MPPED1: variants seen among roughly 807,000 people sequenced by gnomAD.
MPPED1 encodes metallophosphoesterase domain-containing protein 1.
MPPED1 carries 16 observed loss-of-function variants against 36.2 expected under a neutral mutation model. The ratio of observed to expected loss-of-function variants is 0.44; its 90% CI spans 0.30 to 0.67. The LOEUF is 0.67. MPPED1 is among the 30% of genes least tolerant of loss of function. The pLI, the probability that MPPED1 is intolerant of heterozygous loss-of-function variation, is 0.10. For missense variants in MPPED1, 307 were observed against 453.4 expected (o/e 0.68, Z 2.93); for synonymous variants, 199 against 191.3 (o/e 1.04, Z -0.33).
At chr22:43,500,435 G>GAT (rs1932695854) in intron 5 of MPPED1, among the ~76,000 whole-genome samples, 1 of 149,298 alleles carries the variant, frequency 6.7e-6, no homozygotes, top group Admixed American at 7.3e-5. Context: ...TGGAGGTGGT[G>GAT]GTGGAGGTGG....
In MPPED1 at chr22:43,439,871, C is replaced by T. The variant is rs1445791484; in HGVS notation, c.406+4656C>T. Among the ~76,000 whole-genome samples, 4 of 152,382 alleles carry T rather than the reference C, an allele frequency of 2.6e-5. No individual in the cohort carries two copies. The East Asian group carries it at 7.7e-4, about 29-fold the overall frequency. ...TCCCCTCCCTGGTCCGGGGCCCACG[C>T]TCCACTCACCCCTCCAGAGCTGCCC... On this transcript the variant is annotated intron_variant, in intron 3 of 6. Coordinates refer to ENST00000443721, the MANE Select transcript of MPPED1 (RefSeq NM_001044370.2).
intron 4 of MPPED1, among the ~76,000 whole-genome samples, chr22:43,495,643 G>T (rs1203972628): frequency 2.2e-5 from 2 of 92,458 alleles, no homozygotes; most frequent in South Asian, 7.5e-4. Context: ...TGGTGGAGGT[G>T]ATGGTGGAGG....
intron 5 of MPPED1, among the ~76,000 whole-genome samples, chr22:43,500,128 A>C (rs1428609650): frequency 2.0e-5 from 1 of 49,220 alleles, no homozygotes; most frequent in Non-Finnish European, 4.4e-5. Flanking sequence ...GTGGTGATGG[A>C]GGTGGTAATG....
intron 4 of MPPED1, among the ~76,000 whole-genome samples, chr22:43,496,017 AGGTGGTG>A (rs1932323199): frequency 2.3e-5 from 1 of 42,604 alleles, no homozygotes; most frequent in Non-Finnish European, 4.8e-5. Context: ...GTGGTGGTGG[AGGTGGTG>A]ATGGTGGAGG....
At chr22:43,466,946 T>C (rs978527404) in intron 3 of MPPED1, among the ~76,000 whole-genome samples, 5 of 152,160 alleles carry the variant, frequency 3.3e-5, no homozygotes, top group African/African-American at 7.2e-5. Context: ...GAACTGTGAG[T>C]GTAAGCCTCC....
chr22:43,451,770 G>C (rs1930576220), intron 3 of MPPED1, among the ~76,000 whole-genome samples: 1 of 152,226 alleles, frequency 6.6e-6, no homozygotes, highest in Non-Finnish European at 1.5e-5. Context: ...TCCAGGCACT[G>C]CTCCTGTGGT....
chr22:43,454,861 C>T (rs1159417043), intron 3 of MPPED1, among the ~76,000 whole-genome samples: 1 of 152,038 alleles, frequency 6.6e-6, no homozygotes, highest in Non-Finnish European at 1.5e-5. Flanking sequence ...TCTTATGAAA[C>T]ATTTGTATTC....
intron 3 of MPPED1, among the ~76,000 whole-genome samples, chr22:43,437,871 G>C (rs980021807): frequency 4.6e-5 from 7 of 152,174 alleles, no homozygotes; most frequent in African/African-American, 1.7e-4. Context: ...CATTGGACCT[G>C]AACCTTGAGG....
rs924884287 is a variant in MPPED1, at chr22:43,475,019, G to A, written c.632+58G>A. 2.8e-5 allele frequency: 42 copies of A among 1,521,954 alleles called. No individual in the cohort carries two copies. The Middle Eastern group carries it at 5.1e-4, about 19-fold the overall frequency. The allele number at this position is 1,521,954 out of a possible 1,614,324, so 94.3% of individuals were successfully genotyped here. A position where few individuals can be genotyped will look rare whatever the true frequency, so the allele number is the denominator to read the frequency against. ...GGTGAGACCAGAGCTGAGGCTGAGC[G>A]CAGGGGGTGTAGGGGATGGGAGTAG... On this transcript the variant is annotated intron_variant, in intron 4 of 6. Coordinates refer to ENST00000443721, the MANE Select transcript of MPPED1 (RefSeq NM_001044370.2).
Position 43,444,492 on chromosome 22 carries a change from G to A in MPPED1, c.406+9277G>A, listed in dbSNP as rs566706215. ...AATGATTCTCCTGCCTCAGCCTCCC[G>A]AGTAGCTGGGATTACAGGAGCCAGC... On this transcript the variant is annotated intron_variant, in intron 3 of 6. Coordinates refer to ENST00000443721, the MANE Select transcript of MPPED1 (RefSeq NM_001044370.2). 6.0e-5 allele frequency among the ~76,000 whole-genome samples: 9 copies of A among 150,078 alleles called. No homozygotes were observed. In the East Asian group the frequency reaches 1.6e-3, roughly 26 times the overall value.
chr22:43,428,651 A>G (rs1327725977), intron 2 of MPPED1, among the ~76,000 whole-genome samples: 1 of 152,192 alleles, frequency 6.6e-6, no homozygotes, highest in Non-Finnish European at 1.5e-5. Context: ...ATATTTAATA[A>G]CAACAGTGAC....
At chr22:43,459,041 G>A (rs5759349) in intron 3 of MPPED1, among the ~76,000 whole-genome samples, 5,789 of 151,594 alleles carry the variant, frequency 0.038, 246 homozygotes, top group East Asian at 0.21. Context: ...ATCAAATTTG[G>A]GGAGGTTTTG....
intron 5 of MPPED1, among the ~76,000 whole-genome samples, chr22:43,500,356 T>G (rs867829203): frequency 5.0e-5 from 7 of 141,352 alleles, no homozygotes; most frequent in South Asian, 2.3e-4. Flanking sequence ...GTGATGGTGA[T>G]GGAGGTGGTG....
chr22:43,505,582 T>C lies in MPPED1; in HGVS notation c.947T>C (p.Ile316Thr). 1 of 1,612,528 alleles carries C rather than the reference T, an allele frequency of 6.2e-7. No homozygotes were observed. The highest frequency in any genetic ancestry group is 8.5e-7 in the Non-Finnish European group (1 of 1,179,398). The change falls in exon 7 of 7, where the codon ATA (isoleucine) becomes ACA (threonine). Residue 316 changes from isoleucine to threonine, a missense_variant. By Grantham distance (89) the Ile-to-Thr change is moderately conservative (BLOSUM62 -1). Coordinates refer to ENST00000443721, the MANE Select transcript of MPPED1 (RefSeq NM_001044370.2). ...TVNYQPVNPP[I>T]VIDLPTPRNS is the part of the protein sequence containing the mutation. Reference sequence around the variant, plus strand: ...AACTACCAGCCCGTGAACCCGCCCATAGTCATCGACCTCCCCACACCCCGG... The same window carrying C: ...AACTACCAGCCCGTGAACCCGCCCACAGTCATCGACCTCCCCACACCCCGG...
At chr22:43,451,287 G>T (rs78034779) in intron 3 of MPPED1, among the ~76,000 whole-genome samples, 68 of 152,290 alleles carry the variant, frequency 4.5e-4, no homozygotes, top group African/African-American at 1.6e-3. Flanking sequence ...TTACCGGTGT[G>T]AGCCGCTGCG....
At chr22:43,454,105 T>A (rs1373904281) in intron 3 of MPPED1, among the ~76,000 whole-genome samples, 1 of 151,164 alleles carries the variant, frequency 6.6e-6, no homozygotes, top group East Asian at 2.0e-4. Context: ...GCCTCCCTGG[T>A]TCAAGCGATT....
rs540669563 is a variant in MPPED1, at chr22:43,501,053, C to A, written c.749-1591C>A. On this transcript the variant is annotated intron_variant, in intron 5 of 6. Coordinates refer to ENST00000443721, the MANE Select transcript of MPPED1 (RefSeq NM_001044370.2). ...ACTTTGTGCCCCTACCCAGCCAGTG[C>A]GCCACGGCCCCTCTGCCTCCTCACA... is the stretch of plus-strand genomic sequence containing the variant. Among the ~76,000 whole-genome samples, 34 of 152,226 alleles carry A rather than the reference C, an allele frequency of 2.2e-4. No homozygotes were observed. In the South Asian group the frequency reaches 6.6e-3, roughly 30 times the overall value.
chr22:43,451,511 T>A (rs1199601713), intron 3 of MPPED1, among the ~76,000 whole-genome samples: 1 of 152,188 alleles, frequency 6.6e-6, no homozygotes, highest in African/African-American at 2.4e-5. Context: ...CAAATGAAGA[T>A]CCGAGAGCTC....
Position 43,435,223 on chromosome 22 carries a change from C to T in MPPED1, c.406+8C>T. ...AGTTCAACGAGTGGCTGGGTAGGTCCCTCCTGCCCCGGGCGGGCGGCTGTG... is the reference window on the plus strand; with the variant it reads ...AGTTCAACGAGTGGCTGGGTAGGTCTCTCCTGCCCCGGGCGGGCGGCTGTG... On this transcript the variant is annotated splice_region_variant and intron_variant, in intron 3 of 6. Coordinates refer to ENST00000443721, the MANE Select transcript of MPPED1 (RefSeq NM_001044370.2). 1 of 1,602,140 alleles carries T rather than the reference C, an allele frequency of 6.2e-7. No individual in the cohort carries two copies. The highest frequency in any genetic ancestry group is 1.3e-5 in the African/African-American group (1 of 74,976).
Sources: allele counts gnomAD v4.1 joint callset (sites outside exome capture counted in the v4.1 genomes callset), GRCh38; gene constraint gnomAD v4.1.1; transcripts MANE v1.5; gene names NCBI Gene and HGNC (gene_info 2026-07-23, HGNC 2026-07-21).